Variants in AKAP7 observed in about 807,000 individuals in gnomAD.
AKAP7 encodes the protein A kinase (PRKA) anchor protein 7.
In AKAP7, 39 loss-of-function variants were observed where a neutral mutation model predicts 39.5. The ratio of observed to expected loss-of-function variants is 0.99; its 90% CI spans 0.76 to 1.29. The LOEUF (loss-of-function observed/expected upper bound fraction) is 1.29, where lower values mean the gene tolerates loss of function less well. Among genes scored for constraint, AKAP7 ranks in the 50% most tolerant of loss-of-function variants. The probability of loss-of-function intolerance (pLI) is 0.00; values close to 1 mark genes in which losing one functional copy is unlikely to be tolerated. For missense variants in AKAP7, 414 were observed against 407.7 expected (o/e 1.02, Z -0.13); for synonymous variants, 140 against 139.1 (o/e 1.01, Z -0.05).
At chr6:131,185,083 G>T in intron 5 of AKAP7, 1 of 686,148 alleles carries the variant, frequency 1.5e-6, no homozygotes, top group Non-Finnish European at 2.8e-6. Context: ...TCATCAACTC[G>T]GGGATCTGGG....
intron 7 of AKAP7, among the ~76,000 whole-genome samples, chr6:131,230,132 GAATGGTAGCTCT>G (rs1810515118): frequency 6.6e-6 from 1 of 152,180 alleles, no homozygotes. Context: ...TTTCTGGGTT[GAATGGTAGCTCT>G]GTTTTAAATT....
intron 2 of AKAP7, among the ~76,000 whole-genome samples, chr6:131,157,465 T>C (rs1802522273): frequency 6.6e-6 from 1 of 152,228 alleles, no homozygotes. Flanking sequence ...TAGAAGTGGA[T>C]TTAAAATATA....
At chr6:131,147,721 C>T (rs1442619667) in intron 2 of AKAP7, among the ~76,000 whole-genome samples, 3 of 152,172 alleles carry the variant, frequency 2.0e-5, no homozygotes, top group Non-Finnish European at 4.4e-5. Context: ...GCCCTGTGTG[C>T]CCACCATGGG....
the AKAP7 span, among the ~76,000 whole-genome samples, chr6:131,129,616 TTC>T: frequency 6.6e-5 from 10 of 152,248 alleles, no homozygotes; most frequent in Admixed American, 6.5e-4. Context: ...AAATGTTGCA[TTC>T]TGTTATTAAA....
At chr6:131,185,834 A>G (rs1016540962) in intron 5 of AKAP7, among the ~76,000 whole-genome samples, 2 of 152,144 alleles carry the variant, frequency 1.3e-5, no homozygotes, top group Non-Finnish European at 2.9e-5. Context: ...AGTCCAATTT[A>G]TCTGTTTTTA....
chr6:131,136,601 C>T (rs1420603087), intron 1 of AKAP7, among the ~76,000 whole-genome samples: 1 of 152,132 alleles, frequency 6.6e-6, no homozygotes, highest in African/African-American at 2.4e-5. Context: ...GTTTAAGTGC[C>T]GTGGCTTTGC....
intron 2 of AKAP7, among the ~76,000 whole-genome samples, chr6:131,154,210 GA>G (rs946771361): frequency 2.0e-5 from 3 of 149,068 alleles, no homozygotes; most frequent in Non-Finnish European, 3.0e-5. Flanking sequence ...CTCTGCCTCA[GA>G]AAAAAAAAAG....
chr6:131,181,889 T>G (rs1475924492), intron 5 of AKAP7, among the ~76,000 whole-genome samples: 4 of 152,132 alleles, frequency 2.6e-5, no homozygotes, highest in Non-Finnish European at 5.9e-5. Context: ...TTTGGAAGGC[T>G]GAGGCGGGTA....
intron 6 of AKAP7, 78 bp from the exon 7 acceptor site, chr6:131,219,583 T>C (rs1213531395): frequency 1.5e-6 from 2 of 1,323,732 alleles, no homozygotes; most frequent in African/African-American, 3.0e-5. Context: ...AATAATCAGG[T>C]TCAAAGAAAG....
intron 7 of AKAP7, among the ~76,000 whole-genome samples, chr6:131,269,318 G>T (rs1814080461): frequency 6.6e-6 from 1 of 152,168 alleles, no homozygotes; most frequent in Admixed American, 6.5e-5. Context: ...CAAGTGCTGG[G>T]ATTACAGGCG....
At chr6:131,249,929 G>T (rs1205309599) in intron 7 of AKAP7, among the ~76,000 whole-genome samples, 1 of 151,306 alleles carries the variant, frequency 6.6e-6, no homozygotes, top group South Asian at 2.1e-4. Context: ...ATGCCGTACC[G>T]TACAGATAAC....
At chr6:131,242,167 A>T (rs2128313830) in intron 7 of AKAP7, 1 of 985,030 alleles carries the variant, frequency 1.0e-6, no homozygotes, top group Non-Finnish European at 1.2e-6. Flanking sequence ...ATCTTCTATT[A>T]CTAGAGTAAT....
intron 7 of AKAP7, among the ~76,000 whole-genome samples, chr6:131,229,292 A>G (rs748938994): frequency 6.6e-6 from 1 of 152,208 alleles, no homozygotes; most frequent in Non-Finnish European, 1.5e-5. Context: ...ATATATTATC[A>G]GGTGCTTGAC....
chr6:131,130,859 T>C (rs1210447120), upstream of AKAP7, among the ~76,000 whole-genome samples: 1 of 152,126 alleles, frequency 6.6e-6, no homozygotes, highest in East Asian at 1.9e-4. Context: ...TTGGCATGAG[T>C]TGGTAGGTTC....
chr6:131,144,247 A>G (rs1366990998), intron 1 of AKAP7, among the ~76,000 whole-genome samples: 1 of 151,428 alleles, frequency 6.6e-6, no homozygotes. Context: ...CGCCATTGTC[A>G]TCATGGCCCA....
chr6:131,236,969 T>C (rs1266598883), intron 7 of AKAP7, among the ~76,000 whole-genome samples: 1 of 152,202 alleles, frequency 6.6e-6, no homozygotes, highest in Non-Finnish European at 1.5e-5. Context: ...AGAGAGGGCA[T>C]CCCTGTCTTG....
intron 7 of AKAP7, among the ~76,000 whole-genome samples, chr6:131,252,524 G>A (rs1812522240): frequency 6.6e-6 from 1 of 152,180 alleles, no homozygotes; most frequent in Non-Finnish European, 1.5e-5. Flanking sequence ...TCCTGATGCA[G>A]TGTTTAATTT....
At chr6:131,235,932 G>T (rs1396820298) in intron 7 of AKAP7, among the ~76,000 whole-genome samples, 1 of 152,086 alleles carries the variant, frequency 6.6e-6, no homozygotes, top group African/African-American at 2.4e-5. Flanking sequence ...GTCAATTTTG[G>T]CTTTTGTTGC....
the AKAP7 span, among the ~76,000 whole-genome samples, chr6:131,129,551 CAT>C: frequency 6.6e-6 from 1 of 151,908 alleles, no homozygotes; most frequent in Non-Finnish European, 1.5e-5. Context: ...CATAAAACAA[CAT>C]GTTACTTACA....
Sources: gnomAD v4.1 joint callset for allele counts (sites outside exome capture counted in the v4.1 genomes callset) on GRCh38, gnomAD v4.1.1 for gene constraint, MANE v1.5 for transcripts, NCBI Gene and HGNC (gene_info 2026-07-23, HGNC 2026-07-21) for gene names.